KIAA1614: variants seen among roughly 807,000 people sequenced by gnomAD.
KIAA1614 encodes the protein KIAA1614.
KIAA1614 carries 76 observed loss-of-function variants against 88.7 expected under a neutral mutation model. The observed-to-expected ratio is 0.86, with a 90% CI of 0.71 to 1.04. The LOEUF is 1.04. Among genes scored for constraint, KIAA1614 ranks in the 50% least tolerant of loss-of-function variants. KIAA1614 has a pLI of 0.00. For synonymous variants in KIAA1614, 714 were observed against 675.5 expected (o/e 1.06, Z -0.88); for missense variants, 1,553 against 1,582.5 (o/e 0.98, Z 0.32).
chr1:180,935,845 C>A lies in KIAA1614; in HGVS notation c.1936C>A (p.Arg646=). Residue 646 remains arginine, a synonymous_variant, in exon 5 of 9, where the codon CGA becomes AGA. Coordinates refer to ENST00000367588, the MANE Select transcript of KIAA1614 (RefSeq NM_020950.2). The surrounding 1 kb of genome is among the most constrained non-coding windows in gnomAD (Gnocchi z 6.1). ...TGGGCGGACCCAAGGCAGCAGCCCG[C>A]GACTGCGACTGCGGGGCTCCAGGCC... ...ACGRTQGSSP[R]LRLRGSRPRG... 2 of 1,613,580 alleles carry A rather than the reference C, an allele frequency of 1.2e-6. No homozygotes were observed. The highest frequency in any genetic ancestry group is 1.7e-6 in the Non-Finnish European group (2 of 1,179,860).
chr1:180,950,703 G>A lies in KIAA1614; in HGVS notation c.*5115G>A, dbSNP rs770237713. On this transcript the variant is annotated 3_prime_UTR_variant, in exon 9 of 9. Transcript: ENST00000367588. ...CTGTGGTGGGCTGCCTTTGGGAGAC[G>A]CAAGGAGCCTGTTTGCATATTTTGT... 14 of 180,270 alleles carry A rather than the reference G, an allele frequency of 7.8e-5. No homozygotes were observed. The highest frequency in any genetic ancestry group is 5.9e-4 in the Admixed American group (9 of 15,384). The allele number at this position is 180,270 out of a possible 1,614,324, so 11.2% of individuals were successfully genotyped here. A position where few individuals can be genotyped will look rare whatever the true frequency, so the allele number is the denominator to read the frequency against.
At chr1:180,933,009 G>A (rs1385411541) in intron 4 of KIAA1614, among the ~76,000 whole-genome samples, 1 of 152,162 alleles carries the variant, frequency 6.6e-6, no homozygotes, top group East Asian at 1.9e-4. Context: ...CAAAGTGCTA[G>A]GATCACAGGC....
intron 3 of KIAA1614, chr1:180,928,083 T>C: frequency 5.3e-6 from 1 of 188,828 alleles, no homozygotes; most frequent in Admixed American, 6.1e-5. Context: ...TCCTCCCAGA[T>C]AGCTCCTGCT....
rs980050318 is a variant in KIAA1614 at position 180,932,155 on chromosome 1, T to A, written c.1206-2960T>A. On this transcript the variant is annotated intron_variant, in intron 4 of 8. Coordinates refer to ENST00000367588, the MANE Select transcript of KIAA1614 (RefSeq NM_020950.2). Reference sequence around the variant, plus strand: ...GGCTCAGAGTCCCAGTGCTTTACAATCCCCAAAAGAAAATCATCACCACCA... The same window carrying A: ...GGCTCAGAGTCCCAGTGCTTTACAAACCCCAAAAGAAAATCATCACCACCA... Among the ~76,000 whole-genome samples the A allele has an allele frequency of 2.0e-5, 3 of 151,886 alleles. No individual in the cohort carries two copies. The South Asian group carries it at 6.2e-4, about 32-fold the overall frequency.
In KIAA1614 at chr1:180,941,267, G is replaced by C; in HGVS notation, c.3141G>C (p.Ser1047=). 6.2e-7 allele frequency: 1 copy of C among 1,610,098 alleles called. No homozygotes were observed. The highest frequency in any genetic ancestry group is 8.5e-7 in the Non-Finnish European group (1 of 1,177,266). The change falls in exon 7 of 9, where the codon TCG becomes TCC. Residue 1047 remains serine, a synonymous_variant. Transcript: ENST00000367588. The part of the protein sequence containing the change: ...PGLTSQSRAP[S]LQSLHPVSPS... ...TGACGTCACAGTCCAGGGCCCCATCGTTACAATCCCTGCACCCGGTGAGTC... is the reference window on the plus strand; with the variant it reads ...TGACGTCACAGTCCAGGGCCCCATCCTTACAATCCCTGCACCCGGTGAGTC...
Position 180,916,500 on chromosome 1 carries a change from T to A in KIAA1614, c.397T>A (p.Ser133Thr). 6.2e-7 allele frequency: 1 copy of A among 1,613,332 alleles called. No individual in the cohort carries two copies. The highest frequency in any genetic ancestry group is 2.2e-5 in the East Asian group (1 of 44,832). Residue 133 changes from serine to threonine, a missense_variant, in exon 2 of 9, where the codon TCT (serine) becomes ACT (threonine). Coordinates refer to ENST00000367588, the MANE Select transcript of KIAA1614 (RefSeq NM_020950.2). ...GAGAGCCGGGACTCCATCAGAGGGG[T>A]CTTTCCTGCCAGGTGCTGTGGTGGC... is the stretch of plus-strand genomic sequence containing the variant. ...AGRAGTPSEG[S>T]FLPGAVVAPR...
rs1219923461 is a variant in KIAA1614, at chr1:180,949,335, A to G, written c.*3747A>G. The G allele has an allele frequency of 6.6e-6, 1 of 152,346 alleles. No individual in the cohort carries two copies. The highest frequency in any genetic ancestry group is 1.5e-5 in the Non-Finnish European group (1 of 68,108). 9.4% of individuals were successfully genotyped at this position (152,346 alleles called of 1,614,324 possible). ...GTCTCAGCCCCTGTGTCCACCCAGC[A>G]TGAAGCATGGGCATCAGGGGGTCCA... On this transcript the variant is annotated 3_prime_UTR_variant, in exon 9 of 9. Transcript: ENST00000367588.
chr1:180,929,554 AAAC>A (rs1353605402), intron 4 of KIAA1614, among the ~76,000 whole-genome samples: 4 of 152,204 alleles, frequency 2.6e-5, no homozygotes, highest in Non-Finnish European at 5.9e-5. Context: ...TAAGGTAGGA[AAAC>A]AACAAGGTCA....
At chr1:180,925,606 C>T (rs758941269) in intron 3 of KIAA1614, among the ~76,000 whole-genome samples, 14 of 152,254 alleles carry the variant, frequency 9.2e-5, no homozygotes, top group Non-Finnish European at 1.5e-4. Flanking sequence ...TGGTGGTTCT[C>T]CTGCCCCAGC....
In KIAA1614 at chr1:180,935,316, G is replaced by GCAGCGC. The variant is rs1654295404; in HGVS notation, c.1417_1422dup (p.Arg473_Gln474dup). On this transcript the variant is annotated inframe_insertion, in exon 5 of 9. Coordinates refer to ENST00000367588, the MANE Select transcript of KIAA1614 (RefSeq NM_020950.2). The surrounding 1 kb of genome is among the most constrained non-coding windows in gnomAD (Gnocchi z 6.1). ...AGTTCCGTCACCTGGAGCGGCTGCA[G>GCAGCGC]CAGCGCCAGCGCCAGGTGCTGAGCA... 3 of 1,482,466 alleles carry GCAGCGC rather than the reference G, an allele frequency of 2.0e-6. No individual in the cohort carries two copies. Among genetic ancestry groups the GCAGCGC allele is most frequent in the Admixed American group, 2.4e-5 (1 of 41,594 alleles). 91.8% of individuals were successfully genotyped at this position (1,482,466 alleles called of 1,614,324 possible).
rs1654647990 is a variant in KIAA1614, at chr1:180,948,392, A to C, written c.*2804A>C. ...TTGCCTTCTGCTTCTAATTGGATACAACATAGAGATCACACATCCTCAACA... is the reference window on the plus strand; with the variant it reads ...TTGCCTTCTGCTTCTAATTGGATACCACATAGAGATCACACATCCTCAACA... On this transcript the variant is annotated 3_prime_UTR_variant, in exon 9 of 9. Transcript: ENST00000367588. 1 of 152,240 alleles carries C rather than the reference A, an allele frequency of 6.6e-6. No individual in the cohort carries two copies. The highest frequency in any genetic ancestry group is 2.4e-5 in the African/African-American group (1 of 41,462). 9.4% of individuals were successfully genotyped at this position (152,240 alleles called of 1,614,324 possible).
chr1:180,920,891 G>A (rs1035357844), intron 3 of KIAA1614, among the ~76,000 whole-genome samples: 1 of 152,228 alleles, frequency 6.6e-6, no homozygotes, highest in Middle Eastern at 3.2e-3. Flanking sequence ...AGTTGCAGAG[G>A]ACTGGAGCCT....
Position 180,916,853 on chromosome 1 carries a change from A to G in KIAA1614, c.750A>G (p.Thr250=), listed in dbSNP as rs1653819045. Residue 250 remains threonine, a synonymous_variant, in exon 2 of 9, where the codon ACA becomes ACG. Transcript: ENST00000367588. ...ACCCTTTTCCAGATGGCGTGGTGAC[A>G]GAGGCAGATCTGGATAGCACATCCC... ...RSYPFPDGVV[T]EADLDSTSLT... is the part of the protein sequence containing the mutation. 2 of 1,614,238 alleles carry G rather than the reference A, an allele frequency of 1.2e-6. No homozygotes were observed. The highest frequency in any genetic ancestry group is 1.7e-6 in the Non-Finnish European group (2 of 1,180,038).
rs1654572586 is a variant in KIAA1614 at position 180,945,505 on chromosome 1, C to A, written c.3490C>A (p.Pro1164Thr). 1 of 1,613,622 alleles carries A rather than the reference C, an allele frequency of 6.2e-7. No homozygotes were observed. The highest frequency in any genetic ancestry group is 1.3e-5 in the African/African-American group (1 of 74,932). ...AGACTCAGGTATGCCCTCTCCTCTT[C>A]CTCAGCCCCATGGCTGGGGCGGCCT... is the stretch of plus-strand genomic sequence containing the variant. ...RPDSGMPSPL[P>T]QPHGWGGLSK... The change falls in exon 9 of 9, where the codon CCT becomes ACT. Residue 1164 changes from proline (P) to threonine (T), a missense_variant. Transcript: ENST00000367588.
At position 180,942,128 on chromosome 1, in the gene KIAA1614, C is replaced by T. The variant is rs796367873; in HGVS notation, c.3159+843C>T. On this transcript the variant is annotated intron_variant, in intron 7 of 8. Coordinates refer to ENST00000367588, the MANE Select transcript of KIAA1614 (RefSeq NM_020950.2). ...CTTTGTGGAACTCATGTTTAGGCAT[C>T]ATGTTTAGTTGGGTTTTTGTCTCTC... 5.6e-5 allele frequency among the ~76,000 whole-genome samples: 8 copies of T among 141,630 alleles called. No homozygotes were observed. The East Asian group carries it at 1.8e-3, about 33-fold the overall frequency. 92.9% of individuals were successfully genotyped at this position (141,630 alleles called of 152,430 possible). A position where few individuals can be genotyped will look rare whatever the true frequency, so the allele number is the denominator to read the frequency against.
Position 180,935,872 on chromosome 1 carries a change from C to G in KIAA1614, c.1963C>G (p.Arg655Gly), listed in dbSNP as rs909466136. The change falls in exon 5 of 9, where the codon CGA becomes GGA. Residue 655 changes from arginine (R) to glycine (G), a missense_variant. Coordinates refer to ENST00000367588, the MANE Select transcript of KIAA1614 (RefSeq NM_020950.2). This position sits in a 1 kb window ranked among gnomAD's most constrained non-coding sequence, Gnocchi z 6.1. Reference protein sequence around the residue: ...PRLRLRGSRPRGHRWSKKAEA... With the variant: ...PRLRLRGSRPGGHRWSKKAEA... Reference sequence around the variant, plus strand: ...ACTGCGACTGCGGGGCTCCAGGCCTCGAGGCCACAGGTGGTCCAAGAAGGC... The same window carrying G: ...ACTGCGACTGCGGGGCTCCAGGCCTGGAGGCCACAGGTGGTCCAAGAAGGC... 2.5e-6 allele frequency: 4 copies of G among 1,613,806 alleles called. No individual in the cohort carries two copies. The highest frequency in any genetic ancestry group is 8.5e-7 in the Non-Finnish European group (1 of 1,179,920).
intron 5 of KIAA1614, among the ~76,000 whole-genome samples, chr1:180,936,950 C>A (rs1429710737): frequency 6.6e-6 from 1 of 152,192 alleles, no homozygotes; most frequent in Non-Finnish European, 1.5e-5. Flanking sequence ...GTGGAGACGT[C>A]CTCTTCCTGT....
chr1:180,941,934 C>A (rs1231873454), intron 7 of KIAA1614, among the ~76,000 whole-genome samples: 1 of 152,176 alleles, frequency 6.6e-6, no homozygotes, highest in African/African-American at 2.4e-5. Flanking sequence ...GACTTCGAAC[C>A]TTCAGGGCTC....
Position 180,941,217 on chromosome 1 carries a change from C to G in KIAA1614, c.3091C>G (p.Gln1031Glu), listed in dbSNP as rs373643488. 6.2e-7 allele frequency: 1 copy of G among 1,613,732 alleles called. No individual in the cohort carries two copies. Among genetic ancestry groups the G allele is most frequent in the African/African-American group, 1.3e-5 (1 of 74,938 alleles). ...CAAGTCCCGCAGCTACAGTGTGGAG[C>G]AGTTGCAGCCCGCCCCGCCTGGCCT... ...LGKSRSYSVE[Q>E]LQPAPPGLTS... Residue 1031 changes from glutamine to glutamate, a missense_variant, in exon 7 of 9, where the codon CAG becomes GAG. Coordinates refer to ENST00000367588, the MANE Select transcript of KIAA1614 (RefSeq NM_020950.2).
Sources: gnomAD v4.1 joint callset for allele counts (sites outside exome capture counted in the v4.1 genomes callset) on GRCh38, gnomAD v4.1.1 for gene constraint, Gnocchi (gnomAD v3.1) non-coding constraint, MANE v1.5 for transcripts, NCBI Gene and HGNC (gene_info 2026-07-23, HGNC 2026-07-21) for gene names.